KIAA1328: variants seen among roughly 807,000 people sequenced by gnomAD.
KIAA1328 encodes protein hinderin.
Under a neutral mutation model 68.1 loss-of-function variants are expected in KIAA1328, and 52 were observed. The observed-to-expected ratio is 0.76, with a 90% CI of 0.61 to 0.96. KIAA1328 has a LOEUF of 0.96. Ranked by LOEUF, KIAA1328 falls within the 40% of genes least tolerant of loss-of-function variation. KIAA1328 has a pLI of 0.00. For missense variants in KIAA1328, 641 were observed against 677.6 expected, an observed-to-expected ratio of 0.95 and a Z score of 0.60; for synonymous variants, 232 against 239.4, an observed-to-expected ratio of 0.97 and a Z score of 0.28.
intron 7 of KIAA1328, among the ~76,000 whole-genome samples, chr18:37,114,043 C>G (rs1217764220): frequency 6.6e-6 from 1 of 152,144 alleles, no homozygotes; most frequent in Non-Finnish European, 1.5e-5. Context: ...GACTTAGACT[C>G]CCACACAATA....
chr18:37,173,181 T>C, intron 9 of KIAA1328, 100 bp downstream of exon 9: 4 of 851,772 alleles, frequency 4.7e-6, no homozygotes, highest in Non-Finnish European at 7.3e-6. Flanking sequence ...CAACTCTTAG[T>C]AATTCTTTCT....
intron 5 of KIAA1328, among the ~76,000 whole-genome samples, chr18:36,887,591 C>G (rs1281950963): frequency 2.0e-5 from 3 of 152,134 alleles, no homozygotes; most frequent in Non-Finnish European, 4.4e-5. Flanking sequence ...AGAGCACTCC[C>G]TACTCCCCAC....
intron 9 of KIAA1328, 125 bp downstream of exon 9, chr18:37,173,206 C>T: frequency 1.5e-6 from 1 of 665,436 alleles, no homozygotes; most frequent in Non-Finnish European, 2.4e-6. Context: ...AGAGGTCCTT[C>T]TTTTGAAGCA....
At chr18:37,221,899 A>G in intron 9 of KIAA1328, 118 bp from the exon 10 acceptor site, 1 of 1,001,628 alleles carries the variant, frequency 1.0e-6, no homozygotes, top group Non-Finnish European at 1.5e-6. Context: ...GCATCATCTT[A>G]TGCATGATGT....
At chr18:37,132,287 G>A (rs1488777139) in intron 7 of KIAA1328, among the ~76,000 whole-genome samples, 4 of 152,128 alleles carry the variant, frequency 2.6e-5, no homozygotes, top group African/African-American at 9.7e-5. Flanking sequence ...GATTCTACAT[G>A]TTACTTTATC....
At chr18:37,165,116 CT>C (rs2059360152) in intron 8 of KIAA1328, among the ~76,000 whole-genome samples, 1 of 152,246 alleles carries the variant, frequency 6.6e-6, no homozygotes, top group South Asian at 2.1e-4. Context: ...AGGCCCACCC[CT>C]ATGACCTCAT....
At chr18:37,115,722 T>C (rs902044635) in intron 7 of KIAA1328, among the ~76,000 whole-genome samples, 3 of 152,196 alleles carry the variant, frequency 2.0e-5, no homozygotes, top group Non-Finnish European at 4.4e-5. Flanking sequence ...GGAAGTCAAA[T>C]TGTCCCTGTT....
In KIAA1328 at chr18:36,955,200, C is replaced by T. The variant is rs944098723; in HGVS notation, c.449-4108C>T. On this transcript the variant is annotated intron_variant, in intron 5 of 9. Coordinates refer to ENST00000280020, the MANE Select transcript of KIAA1328 (RefSeq NM_020776.3). Reference sequence around the variant, plus strand: ...AGGCTAGAGTGCAATGGCATGATCTCAGCTCGGTGCAACCTCCGCTTCCCG... The same window carrying T: ...AGGCTAGAGTGCAATGGCATGATCTTAGCTCGGTGCAACCTCCGCTTCCCG... Among the ~76,000 whole-genome samples, 11 of 151,240 alleles carry T rather than the reference C, an allele frequency of 7.3e-5. No individual in the cohort carries two copies. The East Asian group carries it at 2.2e-3, about 30-fold the overall frequency.
intron 3 of KIAA1328, among the ~76,000 whole-genome samples, chr18:36,836,797 G>A (rs2046689652): frequency 6.6e-6 from 1 of 151,960 alleles, no homozygotes; most frequent in Non-Finnish European, 1.5e-5. Flanking sequence ...TCATTCCCCA[G>A]TCATCTCAGC....
intron 6 of KIAA1328, among the ~76,000 whole-genome samples, chr18:37,033,376 A>G (rs4344828): frequency 0.14 from 20,707 of 152,180 alleles, 1,758 homozygotes; most frequent in Admixed American, 0.18. Context: ...TTCCTTTACA[A>G]TGTTTATTCT....
At chr18:37,190,238 A>C (rs1048345001) in intron 9 of KIAA1328, among the ~76,000 whole-genome samples, 1 of 152,158 alleles carries the variant, frequency 6.6e-6, no homozygotes, top group East Asian at 1.9e-4. Flanking sequence ...GAGAATGTAC[A>C]TGTTTCTCTC....
intron 7 of KIAA1328, among the ~76,000 whole-genome samples, chr18:37,118,967 C>A (rs1158088636): frequency 1.3e-5 from 2 of 152,162 alleles, no homozygotes; most frequent in African/African-American, 4.8e-5. Context: ...GACATTTCAC[C>A]ATTTTCTCAA....
chr18:37,224,619 T>C lies in KIAA1328; in HGVS notation c.*2392T>C, dbSNP rs2060615958. The C allele has an allele frequency of 1.2e-5, 12 of 980,964 alleles. 1 individual carries two copies. The South Asian group carries it at 4.2e-4, about 35-fold the overall frequency. 60.8% of individuals were successfully genotyped at this position (980,964 alleles called of 1,614,324 possible). A position where few individuals can be genotyped will look rare whatever the true frequency, so the allele number is the denominator to read the frequency against. ...TTACTTTGAAATATATACATACATA[T>C]GAATGAAAGGTTGTTACAGAGCCTC... On this transcript the variant is annotated 3_prime_UTR_variant, in exon 10 of 10. Transcript: ENST00000280020.
chr18:37,013,207 G>A (rs2054035952), intron 6 of KIAA1328, among the ~76,000 whole-genome samples: 1 of 152,070 alleles, frequency 6.6e-6, no homozygotes, highest in Non-Finnish European at 1.5e-5. Context: ...TTTGGAATTA[G>A]GAACAAGAGC....
At chr18:37,008,305 A>C (rs944680809) in intron 6 of KIAA1328, among the ~76,000 whole-genome samples, 2 of 152,232 alleles carry the variant, frequency 1.3e-5, no homozygotes, top group African/African-American at 4.8e-5. Flanking sequence ...AAAGCATTGT[A>C]GCAACGCTTT....
intron 8 of KIAA1328, 47 bp downstream of exon 8, chr18:37,160,428 G>C (rs1330530892): frequency 1.3e-6 from 2 of 1,522,026 alleles, no homozygotes; most frequent in East Asian, 4.5e-5. Context: ...GGTAGGGGAA[G>C]GTAGTTGCTA....
chr18:37,067,616 A>C, intron 7 of KIAA1328, 71 bp downstream of exon 7: 2 of 1,397,738 alleles, frequency 1.4e-6, no homozygotes, highest in East Asian at 2.5e-5. Flanking sequence ...GCTGGAGTGT[A>C]GTGGCACAAT....
At chr18:36,925,336 G>T (rs1476528534) in intron 5 of KIAA1328, among the ~76,000 whole-genome samples, 1 of 152,148 alleles carries the variant, frequency 6.6e-6, no homozygotes, top group East Asian at 1.9e-4. Context: ...AGCCAAGAAA[G>T]AAGAAGGGCT....
intron 6 of KIAA1328, among the ~76,000 whole-genome samples, chr18:36,999,813 A>G (rs2053522535): frequency 3.3e-5 from 5 of 152,210 alleles, no homozygotes; most frequent in African/African-American, 1.2e-4. Flanking sequence ...AATATTTACC[A>G]TCATGAAAAC....
Sources: allele counts gnomAD v4.1 joint callset (sites outside exome capture counted in the v4.1 genomes callset), GRCh38; gene constraint gnomAD v4.1.1; transcripts MANE v1.5; gene names NCBI Gene and HGNC (gene_info 2026-07-23, HGNC 2026-07-21).